Variants in DCDC2C observed in about 807,000 individuals in gnomAD.
The protein encoded by DCDC2C is doublecortin domain containing 2C.
DCDC2C carries 44 observed loss-of-function variants against 45.0 expected under a neutral mutation model. That is an observed-to-expected ratio of 0.98 (90% confidence interval 0.77 to 1.26). The LOEUF is 1.26. Ranked by LOEUF, DCDC2C falls within the 50% of genes most tolerant of loss-of-function variation. The pLI, the probability that DCDC2C is intolerant of heterozygous loss-of-function variation, is 0.00. For missense variants in DCDC2C, 447 were observed against 468.9 expected (o/e 0.95, Z 0.43); for synonymous variants, 187 against 178.8 (o/e 1.05, Z -0.37).
At chr2:3,711,107 A>G (rs368654180) in intron 2 of DCDC2C, among the ~76,000 whole-genome samples, 4 of 152,348 alleles carry the variant, frequency 2.6e-5, no homozygotes, top group African/African-American at 9.6e-5. Context: ...TTTTCAAAAT[A>G]GCCATTCTGC....
intron 10 of DCDC2C, among the ~76,000 whole-genome samples, chr2:3,846,280 C>A (rs1035760317): frequency 2.0e-5 from 3 of 151,642 alleles, no homozygotes; most frequent in Admixed American, 6.6e-5. Flanking sequence ...CCTTTTCATC[C>A]TCCTCCTCCT....
chr2:3,730,123 CAGG>C (rs1405500448), intron 3 of DCDC2C, among the ~76,000 whole-genome samples: 2 of 152,122 alleles, frequency 1.3e-5, no homozygotes, highest in African/African-American at 4.8e-5. Flanking sequence ...TGGTATGCAT[CAGG>C]AGATGAAAGC....
chr2:3,846,448 C>G (rs1342859953), intron 10 of DCDC2C, among the ~76,000 whole-genome samples: 1 of 152,028 alleles, frequency 6.6e-6, no homozygotes, highest in Non-Finnish European at 1.5e-5. Flanking sequence ...GAGAGGGAGT[C>G]TTACTATGTT....
intron 10 of DCDC2C, among the ~76,000 whole-genome samples, chr2:3,788,935 C>T (rs1041907217): frequency 1.3e-5 from 2 of 151,372 alleles, no homozygotes; most frequent in South Asian, 2.1e-4. Flanking sequence ...CCGCCTCCCA[C>T]GTTCAAAAGA....
intron 10 of DCDC2C, among the ~76,000 whole-genome samples, chr2:3,841,361 A>C (rs1227879171): frequency 6.6e-6 from 1 of 151,522 alleles, no homozygotes; most frequent in Non-Finnish European, 1.5e-5. Flanking sequence ...TTGAAAATGC[A>C]TTTTAAACAG....
chr2:3,800,864 G>T (rs947823837), intron 10 of DCDC2C, among the ~76,000 whole-genome samples: 7 of 152,132 alleles, frequency 4.6e-5, no homozygotes, highest in Non-Finnish European at 8.8e-5. Context: ...TAGTCCTCAG[G>T]CACCCATAGC....
chr2:3,813,506 G>T (rs1572636274), intron 10 of DCDC2C, among the ~76,000 whole-genome samples: 1 of 152,214 alleles, frequency 6.6e-6, no homozygotes, highest in African/African-American at 2.4e-5. Flanking sequence ...TGACAATGGG[G>T]TGTTAAAGTC....
intron 10 of DCDC2C, among the ~76,000 whole-genome samples, chr2:3,816,013 T>C (rs1671549383): frequency 6.8e-6 from 1 of 147,654 alleles, no homozygotes; most frequent in South Asian, 2.1e-4. Context: ...TTTTGGGTGG[T>C]ATGGAGAGAT....
intron 3 of DCDC2C, among the ~76,000 whole-genome samples, chr2:3,733,734 C>G (rs1183974330): frequency 6.6e-6 from 1 of 152,134 alleles, no homozygotes; most frequent in Non-Finnish European, 1.5e-5. Flanking sequence ...GAACCTAAGC[C>G]CCCTCGTGAT....
chr2:3,726,530 C>T (rs569544816), intron 2 of DCDC2C, among the ~76,000 whole-genome samples: 74 of 152,254 alleles, frequency 4.9e-4, no homozygotes, highest in Middle Eastern at 3.4e-3. Context: ...GGAGAGAAGG[C>T]GGAGGGGCTC....
chr2:3,812,004 G>A (rs7560841), intron 10 of DCDC2C, among the ~76,000 whole-genome samples: 8,249 of 152,018 alleles, frequency 0.054, 763 homozygotes, highest in African/African-American at 0.19. Context: ...GAGGATTTTC[G>A]CATCGATGTT....
At chr2:3,763,252 C>T (rs368773052) in intron 6 of DCDC2C, among the ~76,000 whole-genome samples, 4 of 152,120 alleles carry the variant, frequency 2.6e-5, no homozygotes, top group African/African-American at 9.7e-5. Flanking sequence ...GTGTTGTGGT[C>T]CCCAGCACAG....
At chr2:3,838,293 G>A (rs1251535890) in intron 10 of DCDC2C, among the ~76,000 whole-genome samples, 2 of 152,086 alleles carry the variant, frequency 1.3e-5, no homozygotes, top group Non-Finnish European at 2.9e-5. Flanking sequence ...AAAGACGGGA[G>A]GTTGGAATGA....
chr2:3,842,877 C>T (rs917992514), intron 10 of DCDC2C, among the ~76,000 whole-genome samples: 7 of 152,080 alleles, frequency 4.6e-5, no homozygotes, highest in African/African-American at 1.4e-4. Flanking sequence ...CATCTCAGCC[C>T]AGAAGGGACA....
chr2:3,756,993 T>C (rs185687930), intron 6 of DCDC2C, among the ~76,000 whole-genome samples: 2 of 152,370 alleles, frequency 1.3e-5, no homozygotes, highest in African/African-American at 2.4e-5. Flanking sequence ...AAAAATGATA[T>C]GCCTTACTCC....
Position 3,779,883 on chromosome 2 carries a change from C to G in DCDC2C, c.1023+999C>G, listed in dbSNP as rs145581592. On this transcript the variant is annotated intron_variant, in intron 9 of 10. Coordinates refer to ENST00000399143, the MANE Select transcript of DCDC2C (RefSeq NM_001287444.2). The stretch of plus-strand genomic sequence containing the variant: ...GCCAGGGTGCTGGAGCCACGCAGGT[C>G]ACCCCCGGCGCCTGACACAACTTGG... Among the ~76,000 whole-genome samples the G allele has an allele frequency of 8.8e-3, 1,339 of 152,208 alleles. 21 individuals carry two copies. The highest frequency in any genetic ancestry group is 0.03 in the African/African-American group (1,229 of 41,526).
intron 2 of DCDC2C, among the ~76,000 whole-genome samples, chr2:3,712,748 C>A (rs1278361121): frequency 6.6e-6 from 1 of 152,160 alleles, no homozygotes. Flanking sequence ...GTGAGGCCCC[C>A]ATGCTGCCGA....
At chr2:3,751,027 ACTTGTGTT>A (rs1669528479) in intron 4 of DCDC2C, among the ~76,000 whole-genome samples, 1 of 151,842 alleles carries the variant, frequency 6.6e-6, no homozygotes, top group African/African-American at 2.4e-5. Context: ...TCTTTCCACG[ACTTGTGTT>A]TCACATCAGT....
At chr2:3,762,940 G>A (rs1669920807) in intron 6 of DCDC2C, among the ~76,000 whole-genome samples, 1 of 152,176 alleles carries the variant, frequency 6.6e-6, no homozygotes, top group Non-Finnish European at 1.5e-5. Context: ...CTGGGAAGGG[G>A]ATGGGGAGGC....
Sources: gnomAD v4.1 joint callset for allele counts (sites outside exome capture counted in the v4.1 genomes callset) on GRCh38, gnomAD v4.1.1 for gene constraint, MANE v1.5 for transcripts, NCBI Gene and HGNC (gene_info 2026-07-23, HGNC 2026-07-21) for gene names.